CCDC171: variants seen among roughly 807,000 people sequenced by gnomAD.
The protein encoded by CCDC171 is coiled-coil domain-containing protein 171.
Under a neutral mutation model 168.2 loss-of-function variants are expected in CCDC171, and 177 were observed. The observed-to-expected ratio is 1.05, with a 90% CI of 0.93 to 1.19. The LOEUF is 1.19. CCDC171 is among the 50% of genes most tolerant of loss of function. CCDC171 has a pLI of 0.00. For missense variants in CCDC171, 1,991 were observed against 1,539.0 expected (o/e 1.29, Z -4.91); for synonymous variants, 687 against 540.8 (o/e 1.27, Z -3.75).
the CCDC171 span, among the ~76,000 whole-genome samples, chr9:16,102,353 G>A: frequency 2.6e-5 from 4 of 152,178 alleles, no homozygotes; most frequent in South Asian, 2.1e-4. Context: ...GGAGGATTGC[G>A]GGGGATGAGC....
At chr9:16,055,260 G>A (rs898490524) in intron 1 of CCDC171, among the ~76,000 whole-genome samples, 2 of 152,152 alleles carry the variant, frequency 1.3e-5, no homozygotes, top group Admixed American at 1.3e-4. Context: ...TTTTAGTTCT[G>A]AGATGCCCAG....
chr9:15,801,540 A>G (rs1277176889), intron 21 of CCDC171, among the ~76,000 whole-genome samples: 1 of 152,110 alleles, frequency 6.6e-6, no homozygotes, highest in African/African-American at 2.4e-5. Context: ...TTTTCCAAAT[A>G]TAAGATCATA....
intron 21 of CCDC171, among the ~76,000 whole-genome samples, chr9:15,804,630 G>T (rs534889315): frequency 6.6e-6 from 1 of 152,108 alleles, no homozygotes; most frequent in Non-Finnish European, 1.5e-5. Context: ...GCTGGATTCA[G>T]TTTGCCAGTG....
chr9:15,696,021 C>T (rs570058504), intron 11 of CCDC171, among the ~76,000 whole-genome samples: 1 of 152,274 alleles, frequency 6.6e-6, no homozygotes, highest in South Asian at 2.1e-4. Context: ...GCTATAGTAG[C>T]TTTGACATAA....
chr9:15,720,865 G>T (rs994986056), intron 11 of CCDC171, among the ~76,000 whole-genome samples: 1 of 152,092 alleles, frequency 6.6e-6, no homozygotes, highest in African/African-American at 2.4e-5. Context: ...ACAGGCCCCA[G>T]TGTGTGATGT....
At position 15,773,585 on chromosome 9, in the gene CCDC171, TG is replaced by T. The variant is rs1210707990; in HGVS notation, c.2672-4014del. On this transcript the variant is annotated intron_variant, in intron 18 of 25. Coordinates refer to ENST00000380701, the MANE Select transcript of CCDC171 (RefSeq NM_173550.4). Reference sequence around the variant, plus strand: ...GTATTTAACATAAGAATTTGTTAAATGTAACAAGCCAAACATTTACAACAGT... The same window carrying T: ...GTATTTAACATAAGAATTTGTTAAATTAACAAGCCAAACATTTACAACAGT... Among the ~76,000 whole-genome samples the T allele has an allele frequency of 3.9e-5, 6 of 152,330 alleles. No homozygotes were observed. The East Asian group carries it at 1.2e-3, about 29-fold the overall frequency.
intron 24 of CCDC171, among the ~76,000 whole-genome samples, chr9:15,887,261 A>G (rs974240894): frequency 9.9e-5 from 15 of 152,282 alleles, no homozygotes; most frequent in South Asian, 4.1e-4. Context: ...TCAAAAAAAT[A>G]TTTCATTTGA....
intron 21 of CCDC171, among the ~76,000 whole-genome samples, chr9:15,799,965 T>C (rs967107028): frequency 2.0e-5 from 3 of 152,274 alleles, no homozygotes; most frequent in South Asian, 2.1e-4. Flanking sequence ...CATTCTCTCT[T>C]ATGGCTGCGT....
At chr9:15,674,540 A>G (rs957682239) in intron 9 of CCDC171, among the ~76,000 whole-genome samples, 6 of 152,176 alleles carry the variant, frequency 3.9e-5, no homozygotes, top group Non-Finnish European at 5.9e-5. Context: ...ACTATGTCCC[A>G]GAGATTCTGG....
intron 24 of CCDC171, among the ~76,000 whole-genome samples, chr9:15,900,515 C>T (rs910686837): frequency 9.0e-4 from 28 of 31,064 alleles, no homozygotes; most frequent in African/African-American, 1.6e-3. Context: ...CTGAGACACC[C>T]GAGCAGAGGA....
At chr9:16,088,539 A>C in the CCDC171 span, among the ~76,000 whole-genome samples, 1 of 152,354 alleles carries the variant, frequency 6.6e-6, no homozygotes, top group Admixed American at 6.5e-5. Context: ...GTACAAAATC[A>C]ATGTGCAAAA....
chr9:15,947,260 G>A (rs1828517882), intron 25 of CCDC171, among the ~76,000 whole-genome samples: 1 of 151,904 alleles, frequency 6.6e-6, no homozygotes, highest in Admixed American at 6.6e-5. Context: ...CTTATAGGGT[G>A]TTTGTGGAAT....
chr9:16,009,827 T>C (rs1477739469), intron 3 of CCDC171, among the ~76,000 whole-genome samples: 1 of 152,126 alleles, frequency 6.6e-6, no homozygotes, highest in African/African-American at 2.4e-5. Context: ...TGAGCTGCTA[T>C]AAAAATAAAT....
upstream of CCDC171, among the ~76,000 whole-genome samples, chr9:16,041,664 A>T (rs942526309): frequency 6.6e-6 from 1 of 152,184 alleles, no homozygotes; most frequent in Non-Finnish European, 1.5e-5. Context: ...ATTAAATATG[A>T]TGTTTGGATA....
intron 3 of CCDC171, among the ~76,000 whole-genome samples, chr9:15,574,053 C>T (rs972409528): frequency 6.6e-6 from 1 of 152,094 alleles, no homozygotes; most frequent in Non-Finnish European, 1.5e-5. Context: ...GGAAGGAATA[C>T]AGTTTTCTTA....
intron 8 of CCDC171, among the ~76,000 whole-genome samples, chr9:15,663,022 C>CAACAAA (rs1292490135): frequency 6.9e-6 from 1 of 145,074 alleles, no homozygotes; most frequent in South Asian, 2.2e-4. Flanking sequence ...ACAACAACAA[C>CAACAAA]AAATTGCCTG....
At chr9:15,599,639 C>G (rs752218599) in intron 6 of CCDC171, among the ~76,000 whole-genome samples, 1 of 152,018 alleles carries the variant, frequency 6.6e-6, no homozygotes, top group Non-Finnish European at 1.5e-5. Flanking sequence ...GGAGTTGCTC[C>G]TTTCGAGGAG....
chr9:15,903,279 C>G (rs531244685), intron 24 of CCDC171, among the ~76,000 whole-genome samples: 1,536 of 152,248 alleles, frequency 0.01, 28 homozygotes, highest in African/African-American at 0.035. Flanking sequence ...GGAGGCACCC[C>G]CCTAGTAGGG....
chr9:15,672,486 T>C (rs2049192418), intron 9 of CCDC171, among the ~76,000 whole-genome samples: 1 of 152,204 alleles, frequency 6.6e-6, no homozygotes, highest in Non-Finnish European at 1.5e-5. Context: ...TGGTTTTAGG[T>C]CTTACATTTA....
Sources: allele counts gnomAD v4.1 joint callset (sites outside exome capture counted in the v4.1 genomes callset), GRCh38; gene constraint gnomAD v4.1.1; transcripts MANE v1.5; gene names NCBI Gene and HGNC (gene_info 2026-07-23, HGNC 2026-07-21).